The following KDM7A variants were observed in gnomAD, a reference collection of about 807,000 sequenced individuals.
KDM7A encodes lysine demethylase 7A.
KDM7A carries 28 observed loss-of-function variants against 114.8 expected under a neutral mutation model. The observed-to-expected ratio is 0.24, with a 90% CI of 0.18 to 0.33. The LOEUF (loss-of-function observed/expected upper bound fraction) is 0.33. Among genes scored for constraint, KDM7A ranks in the 10% least tolerant of loss-of-function variants. The pLI is 1.00. For missense variants in KDM7A, 942 were observed against 1,142.5 expected (o/e 0.82, Z 2.53); for synonymous variants, 423 against 397.8 (o/e 1.06, Z -0.75).
chr7:140,091,845 G>A lies in KDM7A; in HGVS notation c.2690C>T (p.Pro897Leu), dbSNP rs192601953. The A allele has an allele frequency of 2.6e-3, 4,128 of 1,612,494 alleles. 46 individuals carry two copies. Among genetic ancestry groups the A allele is most frequent in the South Asian group, 0.018 (1,615 of 91,008 alleles). Residue 897 changes from proline to leucine, a missense_variant, in exon 19 of 20, where the codon CCG (proline) becomes CTG (leucine). Physicochemically the swap from Pro to Leu is moderately conservative, Grantham distance 98. Around this residue, in one of 4 missense-constraint regions of KDM7A, gnomAD observed 512 missense variants for 576.6 expected, o/e 0.89. Coordinates refer to ENST00000397560, the MANE Select transcript of KDM7A (RefSeq NM_030647.2). ...GCTGATAGGTGGTGGATTTGATGCC[G>A]GTCTCTTGGTGGGGTGAAGGGGCAC... ...FSVPLHPTKR[P>L]ASNPPPISNQ... is the part of the protein sequence containing the mutation.
intron 12 of KDM7A, among the ~76,000 whole-genome samples, 180 bp from the exon 13 acceptor site, chr7:140,100,203 G>C (rs567152768): frequency 3.5e-4 from 53 of 152,322 alleles, no homozygotes; most frequent in African/African-American, 1.2e-3. Flanking sequence ...CAAAGTAAGA[G>C]TATGGCTCAT....
At chr7:140,109,483 A>T (rs1407890571) in intron 11 of KDM7A, among the ~76,000 whole-genome samples, 2 of 152,168 alleles carry the variant, frequency 1.3e-5, no homozygotes, top group Non-Finnish European at 2.9e-5. Flanking sequence ...TCACCTGCTG[A>T]TGGACACCTG....
chr7:140,095,899 A>C (rs953611710), intron 17 of KDM7A, among the ~76,000 whole-genome samples: 1 of 152,058 alleles, frequency 6.6e-6, no homozygotes, highest in African/African-American at 2.4e-5. Flanking sequence ...TAAATAAATA[A>C]TAAAAAAAAT....
At chr7:140,121,525 A>C (rs1281893874) in intron 7 of KDM7A, among the ~76,000 whole-genome samples, 1 of 152,168 alleles carries the variant, frequency 6.6e-6, no homozygotes, top group East Asian at 1.9e-4. Flanking sequence ...TGCCAACTCC[A>C]AATCCTACAC....
At chr7:140,113,216 T>A (rs1193118839) in intron 10 of KDM7A, among the ~76,000 whole-genome samples, 2 of 152,230 alleles carry the variant, frequency 1.3e-5, no homozygotes, top group African/African-American at 4.8e-5. Flanking sequence ...AAGAGCTCAA[T>A]GTTACCTATA....
intron 2 of KDM7A, among the ~76,000 whole-genome samples, chr7:140,136,555 G>C (rs1053559107): frequency 6.6e-6 from 1 of 152,158 alleles, no homozygotes; most frequent in African/African-American, 2.4e-5. Flanking sequence ...GTTATTTGTG[G>C]GCTGTTTTTT....
chr7:140,176,926 C>A lies in KDM7A; in HGVS notation c.12G>T (p.Ala4=). The A allele has an allele frequency of 2.6e-6, 3 of 1,161,448 alleles. No homozygotes were observed. Among genetic ancestry groups the A allele is most frequent in the Non-Finnish European group, 3.2e-6 (3 of 937,448 alleles). The allele number at this position is 1,161,448 out of a possible 1,614,324, so 71.9% of individuals were successfully genotyped here. ...CTGCTCCCGCGGCCACCGCCGCCGC[C>A]GCTCCGGCCATCTTTAAAAAACACA... is the stretch of plus-strand genomic sequence containing the variant. MAG[A]AAAVAAGAAA... is the part of the protein sequence containing the mutation. The change falls in exon 1 of 20, where the codon GCG becomes GCT. Residue 4 remains alanine, a synonymous_variant. Transcript: ENST00000397560. This position sits in a 1 kb window ranked among gnomAD's most constrained non-coding sequence, Gnocchi z 4.4.
chr7:140,167,725 T>A (rs976679060), intron 1 of KDM7A, among the ~76,000 whole-genome samples: 1 of 152,194 alleles, frequency 6.6e-6, no homozygotes, highest in Non-Finnish European at 1.5e-5. Context: ...AAAGGATTGT[T>A]AATTATGACT....
chr7:140,171,683 C>A (rs1794644182), intron 1 of KDM7A, among the ~76,000 whole-genome samples: 1 of 149,272 alleles, frequency 6.7e-6, no homozygotes, highest in Non-Finnish European at 1.5e-5. Context: ...CTCAGAAACT[C>A]CCTCTCAGTC....
At chr7:140,103,659 C>G (rs942152712) in intron 11 of KDM7A, among the ~76,000 whole-genome samples, 10 of 152,174 alleles carry the variant, frequency 6.6e-5, no homozygotes, top group Non-Finnish European at 1.5e-4. Context: ...TTTTTGGCTG[C>G]ATAGTATTCT....
At chr7:140,175,608 C>G (rs1201995647) in intron 1 of KDM7A, among the ~76,000 whole-genome samples, 1 of 152,220 alleles carries the variant, frequency 6.6e-6, no homozygotes, top group Non-Finnish European at 1.5e-5. Context: ...GTGAATCCCT[C>G]CCACGCCGGA....
chr7:140,165,396 C>T (rs1312520941), intron 1 of KDM7A, among the ~76,000 whole-genome samples: 1 of 152,214 alleles, frequency 6.6e-6, no homozygotes. Context: ...TATTTTCCCA[C>T]CAGGTTGTTC....
intron 1 of KDM7A, among the ~76,000 whole-genome samples, chr7:140,166,790 A>T (rs1794580942): frequency 6.6e-6 from 1 of 152,242 alleles, no homozygotes; most frequent in Admixed American, 6.5e-5. Context: ...AGCCTGTGCA[A>T]TTATATAAGT....
At chr7:140,172,525 T>TG (rs1794657230) in intron 1 of KDM7A, among the ~76,000 whole-genome samples, 1 of 151,800 alleles carries the variant, frequency 6.6e-6, no homozygotes. Flanking sequence ...CGGTGGCGGG[T>TG]GCCTGTAGTC....
intron 1 of KDM7A, among the ~76,000 whole-genome samples, chr7:140,168,426 G>C (rs1372381051): frequency 6.6e-6 from 1 of 151,980 alleles, no homozygotes; most frequent in Non-Finnish European, 1.5e-5. Context: ...AAATTAGCCG[G>C]GCACAGTGGC....
At chr7:140,133,903 A>C (rs1257380650) in intron 2 of KDM7A, among the ~76,000 whole-genome samples, 2 of 152,234 alleles carry the variant, frequency 1.3e-5, no homozygotes, top group African/African-American at 2.4e-5. Context: ...CAACAAATTC[A>C]AATCAGCAGA....
chr7:140,172,238 C>T (rs1214346413), intron 1 of KDM7A, among the ~76,000 whole-genome samples: 1 of 152,134 alleles, frequency 6.6e-6, no homozygotes, highest in African/African-American at 2.4e-5. Context: ...TTGTACATGC[C>T]AGGTCTTCTT....
intron 1 of KDM7A, among the ~76,000 whole-genome samples, chr7:140,150,485 A>C (rs920331447): frequency 1.3e-5 from 2 of 152,214 alleles, no homozygotes; most frequent in Admixed American, 1.3e-4. Flanking sequence ...GCAGCTCTGT[A>C]AGTAGGAATA....
intron 2 of KDM7A, among the ~76,000 whole-genome samples, chr7:140,137,829 G>T (rs1424938651): frequency 2.0e-5 from 3 of 152,028 alleles, no homozygotes; most frequent in Non-Finnish European, 4.4e-5. Context: ...TGAAAAAATA[G>T]AACAAAATGT....
Sources: gnomAD v4.1 joint callset for allele counts (sites outside exome capture counted in the v4.1 genomes callset) on GRCh38, gnomAD v4.1.1 for gene constraint, gnomAD v4.1.1 regional missense constraint, Gnocchi (gnomAD v3.1) non-coding constraint, MANE v1.5 for transcripts, NCBI Gene and HGNC (gene_info 2026-07-23, HGNC 2026-07-21) for gene names.